PRKCE: variants seen among roughly 807,000 people sequenced by gnomAD.
PRKCE encodes the protein protein kinase C epsilon.
Under a neutral mutation model 85.4 loss-of-function variants are expected in PRKCE, and 16 were observed. The ratio of observed to expected loss-of-function variants is 0.19; its 90% confidence interval spans 0.13 to 0.28. The LOEUF (loss-of-function observed/expected upper bound fraction) is 0.28, where lower values mean the gene tolerates loss of function less well. PRKCE is among the 10% of genes least tolerant of loss of function. PRKCE has a pLI of 1.00. For synonymous variants in PRKCE, 388 were observed against 371.5 expected (o/e 1.04, Z -0.51); for missense variants, 573 against 975.2 (o/e 0.59, Z 5.49).
Position 45,786,778 on chromosome 2 carries a change from C to T in PRKCE, c.349-56222C>T, listed in dbSNP as rs964130940. 1.3e-5 allele frequency among the ~76,000 whole-genome samples: 2 copies of T among 152,194 alleles called. No homozygotes were observed. Among genetic ancestry groups the T allele is most frequent in the Admixed American group, 6.5e-5 (1 of 15,284 alleles). Reference sequence around the variant, plus strand: ...TTGGCCACCTAATCCTCCAACAGTTCAGTGAGGTAACCACTACCCTCACCC... The same window carrying T: ...TTGGCCACCTAATCCTCCAACAGTTTAGTGAGGTAACCACTACCCTCACCC... On this transcript the variant is annotated intron_variant, in intron 1 of 14. Transcript: ENST00000306156. This position sits in a 1 kb window ranked among gnomAD's most constrained non-coding sequence, Gnocchi z 5.3.
intron 11 of PRKCE, among the ~76,000 whole-genome samples, chr2:46,119,538 T>A (rs185231103): frequency 6.6e-6 from 1 of 152,372 alleles, no homozygotes; most frequent in East Asian, 1.9e-4. Flanking sequence ...CCCTAATTTC[T>A]AATCTTTCTA....
chr2:45,656,875 G>A (rs1388339362), intron 1 of PRKCE, among the ~76,000 whole-genome samples: 1 of 152,220 alleles, frequency 6.6e-6, no homozygotes, highest in Non-Finnish European at 1.5e-5. Flanking sequence ...GTCCTGAAAT[G>A]TGACTGTATA....
chr2:45,860,158 C>T (rs1693030138), intron 2 of PRKCE, among the ~76,000 whole-genome samples: 1 of 152,150 alleles, frequency 6.6e-6, no homozygotes, highest in Non-Finnish European at 1.5e-5. Flanking sequence ...CATTGTATCC[C>T]CAGCAAGCTG....
At chr2:45,904,820 G>A (rs929679393) in intron 2 of PRKCE, among the ~76,000 whole-genome samples, 9 of 152,200 alleles carry the variant, frequency 5.9e-5, no homozygotes, top group African/African-American at 1.4e-4. Flanking sequence ...AGCCCTGCAT[G>A]GGACATTCTC....
chr2:46,003,672 T>C (rs529692416), intron 7 of PRKCE, among the ~76,000 whole-genome samples: 9 of 152,354 alleles, frequency 5.9e-5, no homozygotes, highest in South Asian at 2.1e-4. Flanking sequence ...AAGTGTCACA[T>C]TGCTTTGCAT....
chr2:45,734,950 G>A lies in PRKCE; in HGVS notation c.348+82502G>A, dbSNP rs1210959618. ...CCCCTCGGGATTGCCTAGGACTTTT[G>A]TTACAGCTGCGTCGCAGCCCACCTG... On this transcript the variant is annotated intron_variant, in intron 1 of 14. Coordinates refer to ENST00000306156, the MANE Select transcript of PRKCE (RefSeq NM_005400.3). 2.0e-5 allele frequency among the ~76,000 whole-genome samples: 3 copies of A among 152,248 alleles called. No homozygotes were observed. In the East Asian group the frequency reaches 5.8e-4, roughly 29 times the overall value.
intron 2 of PRKCE, among the ~76,000 whole-genome samples, chr2:45,873,852 G>A (rs539028041): frequency 2.6e-5 from 4 of 152,278 alleles, no homozygotes; most frequent in African/African-American, 4.8e-5. Context: ...CACCCACTCC[G>A]CCCCAAAAAA....
At chr2:45,708,897 C>G (rs992328603) in intron 1 of PRKCE, among the ~76,000 whole-genome samples, 5 of 152,152 alleles carry the variant, frequency 3.3e-5, no homozygotes, top group Admixed American at 2.6e-4. Context: ...AGGGAAGGAG[C>G]CTGACTCTCC....
At chr2:46,016,449 C>T (rs1307229601) in intron 10 of PRKCE, among the ~76,000 whole-genome samples, 1 of 152,114 alleles carries the variant, frequency 6.6e-6, no homozygotes, top group South Asian at 2.1e-4. Flanking sequence ...TGAAGCATAA[C>T]AGGATTCATT....
At chr2:45,734,319 G>A (rs545085831) in intron 1 of PRKCE, among the ~76,000 whole-genome samples, 7 of 151,580 alleles carry the variant, frequency 4.6e-5, no homozygotes, top group Non-Finnish European at 7.4e-5. Context: ...GAACAGAGAT[G>A]GCGCTACTGC....
At chr2:45,797,811 T>C (rs1253248665) in intron 1 of PRKCE, among the ~76,000 whole-genome samples, 1 of 152,220 alleles carries the variant, frequency 6.6e-6, no homozygotes, top group African/African-American at 2.4e-5. Context: ...TCAGCATAGG[T>C]ACTGCTATTC....
intron 2 of PRKCE, among the ~76,000 whole-genome samples, chr2:45,874,062 A>G (rs1410874468): frequency 2.0e-5 from 3 of 152,338 alleles, no homozygotes; most frequent in South Asian, 2.1e-4. Context: ...GGAGGGTTAG[A>G]TGATATAGTG....
chr2:45,938,796 A>C (rs1407473598), intron 2 of PRKCE, among the ~76,000 whole-genome samples: 1 of 152,070 alleles, frequency 6.6e-6, no homozygotes, highest in East Asian at 1.9e-4. Context: ...TTTCTTTCTC[A>C]CTCATCTACA....
intron 1 of PRKCE, among the ~76,000 whole-genome samples, chr2:45,676,527 G>A (rs1424967486): frequency 6.6e-6 from 1 of 152,252 alleles, no homozygotes; most frequent in Non-Finnish European, 1.5e-5. Context: ...TATGGATAGA[G>A]AGGAAGATGG....
intron 1 of PRKCE, among the ~76,000 whole-genome samples, chr2:45,672,983 C>T (rs914978963): frequency 1.1e-4 from 16 of 152,120 alleles, no homozygotes; most frequent in African/African-American, 3.9e-4. Flanking sequence ...GCTATGATGG[C>T]ACCACTCTAC....
At chr2:45,989,148 CCTG>C (rs1703591448) in intron 6 of PRKCE, among the ~76,000 whole-genome samples, 1 of 152,204 alleles carries the variant, frequency 6.6e-6, no homozygotes, top group Non-Finnish European at 1.5e-5. Flanking sequence ...AAGCGGAAGC[CCTG>C]CTTTTTCTCA....
intron 1 of PRKCE, among the ~76,000 whole-genome samples, chr2:45,805,596 C>CTT (rs529307964): frequency 0.28 from 39,695 of 142,410 alleles, 5,840 homozygotes; most frequent in South Asian, 0.4. Context: ...TTACCTTCCT[C>CTT]TTTTTTTTTT....
intron 2 of PRKCE, among the ~76,000 whole-genome samples, chr2:45,858,300 G>A (rs894073915): frequency 2.9e-4 from 44 of 152,076 alleles, no homozygotes; most frequent in South Asian, 6.2e-4. Context: ...TCAAACCAGC[G>A]TCTTTTGGAT....
In PRKCE at chr2:46,011,000, C is replaced by T. The variant is rs1055387270; in HGVS notation, c.1437+483C>T. The T allele has an allele frequency of 1.3e-5, 17 of 1,314,576 alleles. No individual in the cohort carries two copies. The African/African-American group carries it at 1.9e-4, about 15-fold the overall frequency. 81.4% of individuals were successfully genotyped at this position (1,314,576 alleles called of 1,614,324 possible). ...ATAGTGAAACACAAATATAAGGCAGCATTTTTAATTTACCGCATAGGTGTC... is the reference window on the plus strand; with the variant it reads ...ATAGTGAAACACAAATATAAGGCAGTATTTTTAATTTACCGCATAGGTGTC... On this transcript the variant is annotated intron_variant, in intron 10 of 14. Coordinates refer to ENST00000306156, the MANE Select transcript of PRKCE (RefSeq NM_005400.3).
Sources: allele counts gnomAD v4.1 joint callset (sites outside exome capture counted in the v4.1 genomes callset), GRCh38; gene constraint gnomAD v4.1.1; non-coding constraint Gnocchi (gnomAD v3.1); transcripts MANE v1.5; gene names NCBI Gene and HGNC (gene_info 2026-07-23, HGNC 2026-07-21).